Variants in AMPH observed in about 807,000 individuals in gnomAD.
The protein encoded by AMPH is amphiphysin (Stiff-Mann syndrome with breast cancer 128kD autoantigen).
A neutral mutation model predicts 99.1 loss-of-function variants in AMPH; 49 were observed. The observed-to-expected ratio is 0.49, with a 90% CI of 0.39 to 0.63. The LOEUF (loss-of-function observed/expected upper bound fraction) is 0.63, where lower values mean the gene tolerates loss of function less well. Among genes scored for constraint, AMPH ranks in the 20% least tolerant of loss-of-function variants. AMPH has a pLI of 0.00. For synonymous variants in AMPH, 314 were observed against 317.3 expected, an observed-to-expected ratio of 0.99 and a Z score of 0.11; for missense variants, 759 against 863.4, an observed-to-expected ratio of 0.88 and a Z score of 1.52.
chr7:38,561,825 C>T (rs1411911346), intron 1 of AMPH, among the ~76,000 whole-genome samples: 2 of 151,966 alleles, frequency 1.3e-5, no homozygotes, highest in Non-Finnish European at 2.9e-5. Context: ...CCTCTCTCTG[C>T]CATAAGAGAA....
At position 38,603,971 on chromosome 7, in the gene AMPH, T is replaced by C. The variant is rs1049342567; in HGVS notation, c.69+27312A>G. Among the ~76,000 whole-genome samples the C allele has an allele frequency of 3.3e-5, 5 of 152,236 alleles. 1 individual carries two copies. The highest frequency in any genetic ancestry group is 4.1e-4 in the South Asian group (2 of 4,832). ...CGTGATGTCCTTTCTCTTCAGTGAA[T>C]GCAGGGTGGAGCAGAAAGAATTTAG... On this transcript the variant is annotated intron_variant, in intron 1 of 20. Coordinates refer to ENST00000356264, the MANE Select transcript of AMPH (RefSeq NM_001635.4).
intron 1 of AMPH, among the ~76,000 whole-genome samples, chr7:38,612,237 C>T (rs1024408899): frequency 6.6e-6 from 1 of 152,016 alleles, no homozygotes; most frequent in South Asian, 2.1e-4. Context: ...CCACTACACC[C>T]GGCTAATTCT....
chr7:38,600,257 C>T (rs1385662734), intron 1 of AMPH, among the ~76,000 whole-genome samples: 1 of 152,024 alleles, frequency 6.6e-6, no homozygotes, highest in Admixed American at 6.6e-5. Flanking sequence ...GAGTTTTAAG[C>T]AAATATTTAA....
At chr7:38,506,067 C>T (rs1584181262) in intron 2 of AMPH, among the ~76,000 whole-genome samples, 1 of 152,176 alleles carries the variant, frequency 6.6e-6, no homozygotes, top group Admixed American at 6.5e-5. Context: ...CCATTTCTTT[C>T]CTCTCCCCAT....
intron 11 of AMPH, among the ~76,000 whole-genome samples, chr7:38,454,234 T>C (rs1354252785): frequency 1.3e-5 from 2 of 152,236 alleles, no homozygotes; most frequent in Non-Finnish European, 2.9e-5. Context: ...TGCCACTGCA[T>C]TGTGTCTGAG....
At chr7:38,618,890 T>G (rs1309785146) in intron 1 of AMPH, among the ~76,000 whole-genome samples, 1 of 152,216 alleles carries the variant, frequency 6.6e-6, no homozygotes, top group Non-Finnish European at 1.5e-5. Context: ...CAGTTAATTA[T>G]GTAAAATGTA....
intron 2 of AMPH, among the ~76,000 whole-genome samples, chr7:38,531,891 A>G (rs571295844): frequency 6.6e-6 from 1 of 152,210 alleles, no homozygotes; most frequent in South Asian, 2.1e-4. Context: ...CCTTTAGATA[A>G]TGCTTTGTCT....
At chr7:38,466,288 A>G in intron 7 of AMPH, 40 bp from the exon 8 acceptor site, 1 of 1,482,318 alleles carries the variant, frequency 6.7e-7, no homozygotes, top group Non-Finnish European at 9.2e-7. Context: ...AGAGAGAGGG[A>G]AAGACCAGTC....
intron 2 of AMPH, among the ~76,000 whole-genome samples, chr7:38,521,414 A>C (rs896151655): frequency 1.3e-5 from 2 of 152,108 alleles, no homozygotes; most frequent in African/African-American, 4.8e-5. Flanking sequence ...CCACCTACTC[A>C]AGAGGCTGAG....
intron 19 of AMPH, among the ~76,000 whole-genome samples, chr7:38,390,708 T>C (rs1168924575): frequency 6.6e-6 from 1 of 152,194 alleles, no homozygotes. Flanking sequence ...AGAGGGTCTA[T>C]ATGGGGTGCC....
At chr7:38,429,334 A>G (rs756961548) in intron 14 of AMPH, 1 of 1,289,128 alleles carries the variant, frequency 7.8e-7, no homozygotes, top group Non-Finnish European at 1.0e-6. Context: ...ACAGTGGGCC[A>G]GTCAGCAGAC....
chr7:38,596,919 CTGAT>C (rs1793080063), intron 1 of AMPH, among the ~76,000 whole-genome samples: 1 of 152,226 alleles, frequency 6.6e-6, no homozygotes, highest in African/African-American at 2.4e-5. Flanking sequence ...ACACATGCAT[CTGAT>C]CATACTTCTC....
intron 18 of AMPH, among the ~76,000 whole-genome samples, chr7:38,393,376 A>G (rs1190729475): frequency 1.3e-5 from 2 of 152,200 alleles, no homozygotes. Context: ...AGAACCAGAC[A>G]ATGGAGGCAG....
intron 1 of AMPH, among the ~76,000 whole-genome samples, chr7:38,541,276 C>CCATA (rs1790800937): frequency 1.9e-5 from 2 of 102,792 alleles, no homozygotes; most frequent in African/African-American, 7.2e-5. Flanking sequence ...GAGAGGCCAT[C>CCATA]AGGGGAGGTA....
intron 3 of AMPH, among the ~76,000 whole-genome samples, chr7:38,502,870 A>G (rs1789191697): frequency 6.6e-6 from 1 of 152,188 alleles, no homozygotes; most frequent in Admixed American, 6.5e-5. Flanking sequence ...GGAGGGAGTA[A>G]AGCGTGAGGT....
intron 11 of AMPH, among the ~76,000 whole-genome samples, chr7:38,460,168 T>G (rs1239759158): frequency 6.6e-6 from 1 of 152,072 alleles, no homozygotes; most frequent in South Asian, 2.1e-4. Context: ...AGAATGGCTA[T>G]TATTAAAAGA....
chr7:38,484,534 T>G (rs1788415312), intron 5 of AMPH, among the ~76,000 whole-genome samples: 2 of 152,066 alleles, frequency 1.3e-5, no homozygotes, highest in African/African-American at 4.8e-5. Context: ...AAGACATTGC[T>G]AGACAAACCA....
At chr7:38,571,020 TTC>T (rs374526784) in intron 1 of AMPH, among the ~76,000 whole-genome samples, 3 of 55,804 alleles carry the variant, frequency 5.4e-5, no homozygotes, top group African/African-American at 1.5e-4. Flanking sequence ...AATATATATA[TTC>T]ATATATTGAA....
chr7:38,590,606 C>T lies in AMPH; in HGVS notation c.69+40677G>A, dbSNP rs534390757. On this transcript the variant is annotated intron_variant, in intron 1 of 20. Transcript: ENST00000356264. ...TGCTCTCAGATGATAGATGATTTGA[C>T]TATTTCTTTACCTCCTGCTCTTAGC... 3.3e-5 allele frequency among the ~76,000 whole-genome samples: 5 copies of T among 152,340 alleles called. No individual in the cohort carries two copies. The South Asian group carries it at 1.0e-3, about 32-fold the overall frequency.
Sources: allele counts gnomAD v4.1 joint callset (sites outside exome capture counted in the v4.1 genomes callset), GRCh38; gene constraint gnomAD v4.1.1; transcripts MANE v1.5; gene names NCBI Gene and HGNC (gene_info 2026-07-23, HGNC 2026-07-21).